The following MFSD8 variants were observed in gnomAD, a reference collection of about 807,000 sequenced individuals.
MFSD8 encodes the protein major facilitator superfamily domain-containing protein 8.
MFSD8 carries 55 observed loss-of-function variants against 66.4 expected under a neutral mutation model. The ratio of observed to expected loss-of-function variants is 0.83; its 90% CI spans 0.67 to 1.04. MFSD8 has a LOEUF of 1.04. Among genes scored for constraint, MFSD8 ranks in the 50% least tolerant of loss-of-function variants. The probability of loss-of-function intolerance (pLI) is 0.00; values close to 1 mark genes in which losing one functional copy is unlikely to be tolerated. For missense variants in MFSD8, 550 were observed against 627.6 expected (o/e 0.88, Z 1.32); for synonymous variants, 202 against 212.8 (o/e 0.95, Z 0.44).
At position 127,918,770 on chromosome 4, in the gene MFSD8, T is replaced by G. The variant is rs1736063721; in HGVS notation, c.*1860A>C. The G allele has an allele frequency of 6.6e-6, 1 of 152,210 alleles. No individual in the cohort carries two copies. Among genetic ancestry groups the G allele is most frequent in the Non-Finnish European group, 1.5e-5 (1 of 68,024 alleles). The allele number at this position is 152,210 out of a possible 1,614,324, so 9.4% of individuals were successfully genotyped here. On this transcript the variant is annotated 3_prime_UTR_variant, in exon 12 of 12. Transcript: ENST00000641686. ...ACGGGAATCATAATAGTATTTTCACTCCATAAGACTGCTGTAAGAATTAAA... is the reference window on the plus strand; with the variant it reads ...ACGGGAATCATAATAGTATTTTCACGCCATAAGACTGCTGTAAGAATTAAA...
rs559155109 is a variant in MFSD8 at position 127,920,826 on chromosome 4, A to G, written c.1361T>C (p.Met454Thr). The change falls in exon 12 of 12, where the codon ATG (methionine) becomes ACG (threonine). Residue 454 changes from methionine to threonine, a missense_variant. Met to Thr is a moderately conservative substitution (Grantham distance 81). Coordinates refer to ENST00000641686, the MANE Select transcript of MFSD8 (RefSeq NM_001371596.2). ...ACTTCCAGATGCTGTTAACCAGCCC[A>G]TGTATACACCCTGTTGGGGGTGAAA... ...ILGPKPQGVY[M>T]GWLTASGSGA... The G allele has an allele frequency of 4.6e-5, 75 of 1,613,882 alleles. 1 individual carries two copies. The South Asian group carries it at 7.1e-4, about 15-fold the overall frequency.
At chr4:127,956,148 A>T (rs1044180746) in intron 2 of MFSD8, among the ~76,000 whole-genome samples, 1 of 151,606 alleles carries the variant, frequency 6.6e-6, no homozygotes, top group Non-Finnish European at 1.5e-5. Context: ...AAATTTTTTT[A>T]AAAAGAAATT....
intron 9 of MFSD8, among the ~76,000 whole-genome samples, chr4:127,928,536 C>T (rs1737595868): frequency 1.3e-5 from 2 of 152,266 alleles, no homozygotes; most frequent in African/African-American, 2.4e-5. Flanking sequence ...GTCAAAACCA[C>T]AATTAGGTAT....
chr4:127,963,504 T>C (rs1163886100), intron 1 of MFSD8, among the ~76,000 whole-genome samples: 4 of 152,088 alleles, frequency 2.6e-5, no homozygotes, highest in Non-Finnish European at 5.9e-5. Context: ...GATGCTCAGA[T>C]GTGTTCAGAG....
chr4:127,931,377 C>T (rs1027095389), intron 8 of MFSD8, among the ~76,000 whole-genome samples: 8 of 152,042 alleles, frequency 5.3e-5, no homozygotes, highest in East Asian at 3.9e-4. Flanking sequence ...ATTTTTGAGA[C>T]GCCAAAGTCT....
intron 1 of MFSD8, among the ~76,000 whole-genome samples, chr4:127,960,961 G>T (rs1743635318): frequency 6.6e-6 from 1 of 151,934 alleles, no homozygotes; most frequent in South Asian, 2.1e-4. Flanking sequence ...TAATATCCTT[G>T]ATTTTTCCCC....
chr4:127,927,172 ATG>A (rs969444553), intron 9 of MFSD8, among the ~76,000 whole-genome samples: 2 of 99,494 alleles, frequency 2.0e-5, no homozygotes, highest in African/African-American at 7.6e-5. Flanking sequence ...GGTGTATTAA[ATG>A]TTTTTTTTTT....
At chr4:127,923,794 G>A (rs1736753088) in intron 9 of MFSD8, among the ~76,000 whole-genome samples, 1 of 149,712 alleles carries the variant, frequency 6.7e-6, no homozygotes, top group African/African-American at 2.5e-5. Context: ...TGTTGGCCAG[G>A]ATGGTCTCGA....
intron 3 of MFSD8, among the ~76,000 whole-genome samples, chr4:127,944,914 C>T (rs1740790194): frequency 6.6e-6 from 1 of 152,226 alleles, no homozygotes; most frequent in African/African-American, 2.4e-5. Context: ...AGCAATCCTC[C>T]TGCCGCGGGA....
chr4:127,926,104 A>C (rs940690932), intron 9 of MFSD8, among the ~76,000 whole-genome samples: 1 of 151,852 alleles, frequency 6.6e-6, no homozygotes, highest in Admixed American at 6.6e-5. Flanking sequence ...GGGCTAGAGG[A>C]GGGATAGCAT....
Position 127,930,738 on chromosome 4 carries a change from C to T in MFSD8, c.943G>A (p.Ala315Thr), listed in dbSNP as rs1737978639. Residue 315 changes from alanine to threonine, a missense_variant, in exon 9 of 12, where the codon GCT becomes ACT. Transcript: ENST00000641686. The stretch of plus-strand genomic sequence containing the variant: ...ATAACAACGGCTTCAACCCCAAGAG[C>T]AGCAAGTATTATGCCATTATATAAC... ...AVLYNGIILA[A>T]LGVEAVVIFL... 1.2e-6 allele frequency: 2 copies of T among 1,613,578 alleles called. No individual in the cohort carries two copies. The highest frequency in any genetic ancestry group is 4.5e-5 in the East Asian group (2 of 44,780).
intron 4 of MFSD8, 138 bp downstream of exon 4, chr4:127,943,614 T>C: frequency 9.6e-7 from 1 of 1,040,134 alleles, no homozygotes; most frequent in Non-Finnish European, 1.4e-6. Flanking sequence ...ATAAGAAAAA[T>C]ATTTGTTTAC....
intron 2 of MFSD8, among the ~76,000 whole-genome samples, 168 bp downstream of exon 2, chr4:127,957,333 A>C (rs1235262473): frequency 1.3e-5 from 2 of 152,200 alleles, no homozygotes; most frequent in Non-Finnish European, 2.9e-5. Flanking sequence ...AACAATGTGG[A>C]TATACTTAAG....
At position 127,943,912 on chromosome 4, in the gene MFSD8, T is replaced by C; in HGVS notation, c.279A>G (p.Ile93Met). 1.9e-6 allele frequency: 3 copies of C among 1,614,104 alleles called. No individual in the cohort carries two copies. Among genetic ancestry groups the C allele is most frequent in the Admixed American group, 1.7e-5 (1 of 60,004 alleles). The change falls in exon 4 of 12, where the codon ATA (isoleucine) becomes ATG (methionine). Residue 93 changes from isoleucine to methionine, a missense_variant. Transcript: ENST00000641686. ...YSLGQMVASP[I>M]FGLWSNYRPR... ...GTCTATAATTAGACCATAAACCAAATATAGGTGAAGCTACCATTTGGCCAA... is the reference window on the plus strand; with the variant it reads ...GTCTATAATTAGACCATAAACCAAACATAGGTGAAGCTACCATTTGGCCAA...
chr4:127,955,403 T>C (rs992256470), intron 2 of MFSD8, among the ~76,000 whole-genome samples: 2 of 151,918 alleles, frequency 1.3e-5, no homozygotes, highest in African/African-American at 4.8e-5. Context: ...TAGCCGGGCA[T>C]GGTGGTGGGT....
rs527293086 is a variant in MFSD8, at chr4:127,955,908, C to T, written c.154+1593G>A. On this transcript the variant is annotated intron_variant, in intron 2 of 11. Transcript: ENST00000641686. ...CTGAGGCGGGCAGATCATGAGGTCA[C>T]GAGATCGAGACCATCCTGGCTAACG... Among the ~76,000 whole-genome samples, 5 of 149,778 alleles carry T rather than the reference C, an allele frequency of 3.3e-5. No homozygotes were observed. The South Asian group carries it at 8.5e-4, about 25-fold the overall frequency.
intron 9 of MFSD8, among the ~76,000 whole-genome samples, chr4:127,925,638 G>A (rs1255123811): frequency 3.9e-5 from 6 of 152,190 alleles, no homozygotes; most frequent in African/African-American, 1.4e-4. Context: ...TACACTGTTG[G>A]TGGGAGTGTA....
chr4:127,946,051 G>A (rs1740977775), intron 3 of MFSD8, among the ~76,000 whole-genome samples: 1 of 151,700 alleles, frequency 6.6e-6, no homozygotes, highest in Non-Finnish European at 1.5e-5. Context: ...CTCCCAAGCA[G>A]CTGGGACTAC....
chr4:127,949,937 A>T, intron 2 of MFSD8, 90 bp from the exon 3 acceptor site: 1 of 1,183,834 alleles, frequency 8.4e-7, no homozygotes, highest in Non-Finnish European at 1.2e-6. Flanking sequence ...TGGATTTTAA[A>T]ATATTCTGAA....
Sources: allele counts gnomAD v4.1 joint callset (sites outside exome capture counted in the v4.1 genomes callset), GRCh38; gene constraint gnomAD v4.1.1; transcripts MANE v1.5; gene names NCBI Gene and HGNC (gene_info 2026-07-23, HGNC 2026-07-21).